The following RIMBP2 variants were observed in gnomAD, a reference collection of about 807,000 sequenced individuals.
The protein encoded by RIMBP2 is RIMS binding protein 2.
In RIMBP2, 48 loss-of-function variants were observed where a neutral mutation model predicts 118.6. That is an observed-to-expected ratio of 0.40 (90% CI 0.32 to 0.51). The LOEUF is 0.51. Ranked by LOEUF, RIMBP2 falls within the 20% of genes least tolerant of loss-of-function variation. The pLI, the probability that RIMBP2 is intolerant of heterozygous loss-of-function variation, is 0.41. For missense variants in RIMBP2, 1,551 were observed against 1,768.3 expected (o/e 0.88, Z 2.20); for synonymous variants, 762 against 742.9 (o/e 1.03, Z -0.42).
Position 130,469,897 on chromosome 12 carries a change from T to TG in RIMBP2, c.153+795dup, listed in dbSNP as rs1391976747. 6.6e-6 allele frequency among the ~76,000 whole-genome samples: 1 copy of TG among 151,998 alleles called. No homozygotes were observed. The highest frequency in any genetic ancestry group is 2.4e-5 in the African/African-American group (1 of 41,370). On this transcript the variant is annotated intron_variant, in intron 6 of 22. Coordinates refer to ENST00000690449, the MANE Select transcript of RIMBP2 (RefSeq NM_001393629.1). This position sits in a 1 kb window ranked among gnomAD's most constrained non-coding sequence, Gnocchi z 4.8. ...TTACACGATCCTTGACTTCGGCAGGTGGGGGCCCCAGCTCACTGTAGCCCA... is the reference window on the plus strand; with the variant it reads ...TTACACGATCCTTGACTTCGGCAGGTGGGGGGCCCCAGCTCACTGTAGCCCA...
intron 14 of RIMBP2, among the ~76,000 whole-genome samples, chr12:130,433,189 C>A (rs1186924033): frequency 6.6e-6 from 1 of 152,188 alleles, no homozygotes; most frequent in African/African-American, 2.4e-5. Context: ...GACATTAAGC[C>A]GGTTTCAGCT....
Position 130,557,756 on chromosome 12 carries a change from T to C in RIMBP2, c.-216-39839A>G, listed in dbSNP as rs1011285126. 1.8e-4 allele frequency among the ~76,000 whole-genome samples: 27 copies of C among 152,208 alleles called. 1 individual carries two copies. Among genetic ancestry groups the C allele is most frequent in the African/African-American group, 6.5e-4 (27 of 41,456 alleles). On this transcript the variant is annotated intron_variant, in intron 2 of 22. Coordinates refer to ENST00000690449, the MANE Select transcript of RIMBP2 (RefSeq NM_001393629.1). The stretch of plus-strand genomic sequence containing the variant: ...CTGCGGAGATTGATTTTTAAAAACA[T>C]ATTTTAAAATCCTCTTTTTTCCTGT...
At chr12:130,568,566 T>C (rs1487923857) in intron 2 of RIMBP2, among the ~76,000 whole-genome samples, 1 of 152,190 alleles carries the variant, frequency 6.6e-6, no homozygotes, top group Admixed American at 6.5e-5. Flanking sequence ...CCAGAAGCAA[T>C]GGAGAGACAA....
chr12:130,541,828 A>G (rs1046145165), intron 2 of RIMBP2, among the ~76,000 whole-genome samples: 2 of 152,122 alleles, frequency 1.3e-5, no homozygotes, highest in East Asian at 3.9e-4. Context: ...CACTCATCTA[A>G]TATATGTTTG....
chr12:130,461,447 A>G (rs938255645), intron 6 of RIMBP2, among the ~76,000 whole-genome samples: 1 of 152,140 alleles, frequency 6.6e-6, no homozygotes, highest in African/African-American at 2.4e-5. Flanking sequence ...GCAGCCCACC[A>G]AAGACAAAGC....
chr12:130,450,431 C>T lies in RIMBP2; in HGVS notation c.505-155G>A, dbSNP rs1350641839. Among the ~76,000 whole-genome samples, 4 of 151,904 alleles carry T rather than the reference C, an allele frequency of 2.6e-5. No homozygotes were observed. The highest frequency in any genetic ancestry group is 2.9e-5 in the Non-Finnish European group (2 of 67,994). On this transcript the variant is annotated intron_variant, in intron 8 of 22. Coordinates refer to ENST00000690449, the MANE Select transcript of RIMBP2 (RefSeq NM_001393629.1). The surrounding 1 kb of genome is among the most constrained non-coding windows in gnomAD (Gnocchi z 4.8). ...CAGGAGGCACTGCCACCCGCACACC[C>T]ACATGCGAGCTTGGAAAGGAGGGTG...
intron 2 of RIMBP2, among the ~76,000 whole-genome samples, chr12:130,588,947 G>A (rs1446092250): frequency 6.6e-6 from 1 of 152,192 alleles, no homozygotes; most frequent in Non-Finnish European, 1.5e-5. Flanking sequence ...TGCAAAGATG[G>A]AATCAGGAAT....
intron 5 of RIMBP2, among the ~76,000 whole-genome samples, chr12:130,477,386 G>A (rs370200482): frequency 8.5e-5 from 13 of 152,304 alleles, no homozygotes; most frequent in Admixed American, 4.6e-4. Context: ...GCCTGGGGAC[G>A]TGGCTTCTGG....
At chr12:130,409,139 G>C (rs2075457872) in intron 19 of RIMBP2, among the ~76,000 whole-genome samples, 1 of 151,954 alleles carries the variant, frequency 6.6e-6, no homozygotes, top group African/African-American at 2.4e-5. Context: ...ATACACGAAG[G>C]CTCACTCTTC....
chr12:130,698,341 C>G (rs2065674797), intron 1 of RIMBP2, among the ~76,000 whole-genome samples: 1 of 152,194 alleles, frequency 6.6e-6, no homozygotes, highest in Non-Finnish European at 1.5e-5. Flanking sequence ...TCCCTGCTAC[C>G]GCTCCTAATG....
chr12:130,438,281 C>T, intron 12 of RIMBP2, 84 bp downstream of exon 12: 17 of 1,477,108 alleles, frequency 1.2e-5, no homozygotes, highest in Non-Finnish European at 1.6e-5. Context: ...GCAGACCCTG[C>T]CTCCTCCACT....
intron 11 of RIMBP2, among the ~76,000 whole-genome samples, chr12:130,439,360 CGTAT>C (rs1566037439): frequency 6.9e-6 from 1 of 144,684 alleles, no homozygotes; most frequent in East Asian, 2.1e-4. Context: ...TGTGGGCATG[CGTAT>C]GTGTGTATGT....
intron 1 of RIMBP2, among the ~76,000 whole-genome samples, chr12:130,678,200 G>A (rs1210368796): frequency 1.3e-5 from 2 of 152,206 alleles, no homozygotes; most frequent in Non-Finnish European, 2.9e-5. Flanking sequence ...CCTCCTGAGA[G>A]CAGAGGGCCT....
chr12:130,543,961 C>T (rs549195493), intron 2 of RIMBP2, among the ~76,000 whole-genome samples: 1 of 152,122 alleles, frequency 6.6e-6, no homozygotes, highest in Non-Finnish European at 1.5e-5. Flanking sequence ...AGGATTGTCA[C>T]CGTTTTAACC....
At chr12:130,473,131 G>A (rs913399459) in intron 5 of RIMBP2, among the ~76,000 whole-genome samples, 3 of 152,178 alleles carry the variant, frequency 2.0e-5, no homozygotes, top group Non-Finnish European at 4.4e-5. Context: ...GTACAACTTC[G>A]CTTCCAGCTT....
intron 2 of RIMBP2, among the ~76,000 whole-genome samples, chr12:130,615,146 TAC>T (rs2060821820): frequency 6.8e-6 from 1 of 147,226 alleles, no homozygotes; most frequent in South Asian, 2.1e-4. Flanking sequence ...ATTATGTATA[TAC>T]ATATATATTA....
At chr12:130,580,871 CG>C (rs2058428468) in intron 2 of RIMBP2, among the ~76,000 whole-genome samples, 1 of 151,550 alleles carries the variant, frequency 6.6e-6, no homozygotes, top group Non-Finnish European at 1.5e-5. Flanking sequence ...ACCCTGGGGG[CG>C]GAGGTTGCAG....
chr12:130,596,248 G>A (rs1003505873), intron 2 of RIMBP2, among the ~76,000 whole-genome samples: 1 of 152,204 alleles, frequency 6.6e-6, no homozygotes, highest in Non-Finnish European at 1.5e-5. Context: ...TCATCAGGAA[G>A]CCATGGGTGA....
At chr12:130,583,440 T>A (rs2058604814) in intron 2 of RIMBP2, among the ~76,000 whole-genome samples, 1 of 121,184 alleles carries the variant, frequency 8.3e-6, no homozygotes, top group African/African-American at 2.7e-5. Flanking sequence ...TCATCACTAC[T>A]ATTACATCAT....
Sources: allele counts gnomAD v4.1 joint callset (sites outside exome capture counted in the v4.1 genomes callset), GRCh38; gene constraint gnomAD v4.1.1; non-coding constraint Gnocchi (gnomAD v3.1); transcripts MANE v1.5; gene names NCBI Gene and HGNC (gene_info 2026-07-23, HGNC 2026-07-21).